ALDH1A2: variants seen among roughly 807,000 people sequenced by gnomAD.
ALDH1A2 encodes the protein retinal dehydrogenase 2.
Under a neutral mutation model 60.3 loss-of-function variants are expected in ALDH1A2, and 27 were observed. That is an observed-to-expected ratio of 0.45 (90% CI 0.33 to 0.62). The LOEUF is 0.62. Ranked by LOEUF, ALDH1A2 falls within the 20% of genes least tolerant of loss-of-function variation. ALDH1A2 has a pLI of 0.02. For synonymous variants in ALDH1A2, 289 were observed against 232.4 expected (o/e 1.24, Z -2.21); for missense variants, 581 against 643.8 (o/e 0.90, Z 1.06).
intron 7 of ALDH1A2, 46 bp from the exon 8 acceptor site, chr15:57,965,873 AGACAGTC>A: frequency 6.7e-7 from 1 of 1,494,804 alleles, no homozygotes; most frequent in South Asian, 1.1e-5. Flanking sequence ...CCTGCAGGTG[AGACAGTC>A]ACCGGCCAAT....
chr15:58,015,604 T>C (rs1230125922), intron 1 of ALDH1A2, among the ~76,000 whole-genome samples: 2 of 152,162 alleles, frequency 1.3e-5, no homozygotes, highest in African/African-American at 4.8e-5. Flanking sequence ...AAAATAAAGA[T>C]GGTTAAGAGA....
chr15:57,966,782 C>T (rs1232454311), intron 7 of ALDH1A2, among the ~76,000 whole-genome samples: 1 of 152,190 alleles, frequency 6.6e-6, no homozygotes, highest in Non-Finnish European at 1.5e-5. Flanking sequence ...GCCTGTGTTG[C>T]AGTTCCACTT....
intron 1 of ALDH1A2, among the ~76,000 whole-genome samples, chr15:58,033,870 A>C (rs1307659114): frequency 6.7e-6 from 1 of 150,338 alleles, no homozygotes; most frequent in Non-Finnish European, 1.5e-5. Context: ...TGCCAGTACC[A>C]TACTATCTTA....
Position 58,057,094 on chromosome 15 carries a change from C to A in ALDH1A2, c.117+8440G>T, listed in dbSNP as rs573057134. Among the ~76,000 whole-genome samples the A allele has an allele frequency of 7.2e-5, 11 of 152,064 alleles. No individual in the cohort carries two copies. In the South Asian group the frequency reaches 2.1e-3, roughly 29 times the overall value. ...GTATACATCCTAGATGCTCTCTCACCAGGTATATGAGGAGACATGATCAGG... is the reference window on the plus strand; with the variant it reads ...GTATACATCCTAGATGCTCTCTCACAAGGTATATGAGGAGACATGATCAGG... On this transcript the variant is annotated intron_variant, in intron 1 of 12. Coordinates refer to ENST00000249750, the MANE Select transcript of ALDH1A2 (RefSeq NM_003888.4).
chr15:58,055,798 G>T (rs896545002), intron 1 of ALDH1A2, among the ~76,000 whole-genome samples: 5 of 152,092 alleles, frequency 3.3e-5, no homozygotes, highest in Admixed American at 3.3e-4. Context: ...AAAATAAGAA[G>T]TAATGTTATT....
At chr15:58,008,665 C>T (rs1160877793) in intron 4 of ALDH1A2, among the ~76,000 whole-genome samples, 1 of 152,058 alleles carries the variant, frequency 6.6e-6, no homozygotes, top group Admixed American at 6.6e-5. Flanking sequence ...ATTTAAACAC[C>T]TGAAACATAT....
chr15:58,031,294 G>A lies in ALDH1A2; in HGVS notation c.118-17013C>T, dbSNP rs181797579. Among the ~76,000 whole-genome samples the A allele has an allele frequency of 2.2e-3, 329 of 152,236 alleles. 2 individuals carry two copies. The highest frequency in any genetic ancestry group is 7.6e-3 in the African/African-American group (315 of 41,534). On this transcript the variant is annotated intron_variant, in intron 1 of 12. Coordinates refer to ENST00000249750, the MANE Select transcript of ALDH1A2 (RefSeq NM_003888.4). The stretch of plus-strand genomic sequence containing the variant: ...ATTCCCTATTTAATAAACAGTGCTG[G>A]GAAAACTGGCTAGTCACATGCAGAA...
chr15:58,053,915 T>G (rs1896834991), intron 1 of ALDH1A2, among the ~76,000 whole-genome samples: 1 of 152,150 alleles, frequency 6.6e-6, no homozygotes, highest in African/African-American at 2.4e-5. Context: ...AGTACACCAA[T>G]AAATACCCAT....
chr15:58,051,171 T>C (rs1392171263), intron 1 of ALDH1A2, among the ~76,000 whole-genome samples: 3 of 152,146 alleles, frequency 2.0e-5, no homozygotes, highest in Admixed American at 6.6e-5. Context: ...ATTCCTTAAA[T>C]GTGATGCTTC....
At chr15:58,033,080 A>G (rs1210719484) in intron 1 of ALDH1A2, among the ~76,000 whole-genome samples, 1 of 152,010 alleles carries the variant, frequency 6.6e-6, no homozygotes, top group Admixed American at 6.6e-5. Context: ...GTAAGATAGA[A>G]GGAATAAATT....
chr15:57,969,239 C>A (rs1008063270), intron 7 of ALDH1A2, among the ~76,000 whole-genome samples: 1 of 152,136 alleles, frequency 6.6e-6, no homozygotes, highest in Non-Finnish European at 1.5e-5. Context: ...TAGTCCCTTA[C>A]CAATAAGGAA....
At chr15:57,991,417 GAATT>G (rs774791053) in intron 7 of ALDH1A2, 38 of 152,230 alleles carry the variant, frequency 2.5e-4, no homozygotes, top group Admixed American at 7.2e-4. Context: ...TAATCTAACT[GAATT>G]AATATTCAAG....
intron 1 of ALDH1A2, among the ~76,000 whole-genome samples, chr15:58,018,733 C>T (rs1404511391): frequency 6.6e-6 from 1 of 152,052 alleles, no homozygotes; most frequent in African/African-American, 2.4e-5. Flanking sequence ...GGTAATCTTA[C>T]CCAAAAGGCA....
In ALDH1A2 at chr15:57,969,398, A is replaced by T. The variant is rs34500662; in HGVS notation, c.799-3571T>A. ...TCCTCAGTACTTTGTTATAACCCAC[A>T]GGTTTCCGAAGTCAAAGCCTGTGGG... is the stretch of plus-strand genomic sequence containing the variant. On this transcript the variant is annotated intron_variant, in intron 7 of 12. Transcript: ENST00000249750. Among the ~76,000 whole-genome samples, 848 of 152,360 alleles carry T rather than the reference A, an allele frequency of 5.6e-3. 5 individuals are homozygous for T. Among genetic ancestry groups the T allele is most frequent in the Middle Eastern group, 0.02 (6 of 294 alleles).
intron 1 of ALDH1A2, among the ~76,000 whole-genome samples, chr15:58,030,389 T>C (rs1011637790): frequency 6.6e-6 from 1 of 152,178 alleles, no homozygotes; most frequent in Non-Finnish European, 1.5e-5. Context: ...AGAATGTATC[T>C]CAAAATAATA....
chr15:58,025,237 A>G (rs1357588471), intron 1 of ALDH1A2, among the ~76,000 whole-genome samples: 1 of 152,176 alleles, frequency 6.6e-6, no homozygotes, highest in African/African-American at 2.4e-5. Flanking sequence ...AGGATCAACA[A>G]AACAAAAAGC....
chr15:58,005,884 G>T (rs1464616696), intron 4 of ALDH1A2, among the ~76,000 whole-genome samples: 1 of 151,698 alleles, frequency 6.6e-6, no homozygotes, highest in Non-Finnish European at 1.5e-5. Context: ...AGAAAAGTAG[G>T]CTCTAGATAC....
chr15:58,048,075 T>C (rs1896678387), intron 1 of ALDH1A2, among the ~76,000 whole-genome samples: 1 of 151,984 alleles, frequency 6.6e-6, no homozygotes, highest in Non-Finnish European at 1.5e-5. Context: ...ACCCCACTTA[T>C]GCTGAGTCCT....
At chr15:58,007,118 TA>T in intron 4 of ALDH1A2, among the ~76,000 whole-genome samples, 1 of 151,820 alleles carries the variant, frequency 6.6e-6, no homozygotes, top group South Asian at 2.1e-4. Flanking sequence ...AAATCAACAA[TA>T]TATATTAAAC....
Sources: gnomAD v4.1 joint callset for allele counts (sites outside exome capture counted in the v4.1 genomes callset) on GRCh38, gnomAD v4.1.1 for gene constraint, MANE v1.5 for transcripts, NCBI Gene and HGNC (gene_info 2026-07-23, HGNC 2026-07-21) for gene names.